Variants in KCNIP1 observed in about 807,000 individuals in gnomAD.
KCNIP1 encodes A-type potassium channel modulatory protein KCNIP1.
KCNIP1 carries 18 observed loss-of-function variants against 33.0 expected under a neutral mutation model. The ratio of observed to expected loss-of-function variants is 0.55; its 90% CI spans 0.38 to 0.81. KCNIP1 has a LOEUF of 0.81. Ranked by LOEUF, KCNIP1 falls within the 30% of genes least tolerant of loss-of-function variation. KCNIP1 has a pLI of 0.00. For synonymous variants in KCNIP1, 93 were observed against 98.3 expected (o/e 0.95, Z 0.32); for missense variants, 238 against 271.6 (o/e 0.88, Z 0.87).
intron 1 of KCNIP1, among the ~76,000 whole-genome samples, chr5:170,593,216 AG>A (rs1758325531): frequency 6.6e-6 from 1 of 152,236 alleles, no homozygotes; most frequent in Non-Finnish European, 1.5e-5. Context: ...CCTGATCCAC[AG>A]GTGGGTGGGA....
At chr5:170,683,894 A>ATGTGTGTGTGTGTGTGTGTG (rs1168722972) in intron 1 of KCNIP1, among the ~76,000 whole-genome samples, 6 of 91,636 alleles carry the variant, frequency 6.5e-5, no homozygotes, top group Admixed American at 2.7e-4. Context: ...CAGCTAGTGT[A>ATGTGTGTGTGTGTGTGTGTG]TGTGTGTGTG....
At chr5:170,600,023 C>T (rs1263228848) in intron 1 of KCNIP1, among the ~76,000 whole-genome samples, 1 of 152,200 alleles carries the variant, frequency 6.6e-6, no homozygotes, top group East Asian at 1.9e-4. Context: ...GGCATTGTTA[C>T]AGGCACCAGC....
At chr5:170,439,769 C>G (rs894716025) in intron 1 of KCNIP1, among the ~76,000 whole-genome samples, 1 of 152,240 alleles carries the variant, frequency 6.6e-6, no homozygotes, top group Non-Finnish European at 1.5e-5. Context: ...TGCCAGCCCA[C>G]AACTCAGTCA....
intron 1 of KCNIP1, among the ~76,000 whole-genome samples, chr5:170,718,065 T>A (rs1763694484): frequency 6.6e-6 from 1 of 152,222 alleles, no homozygotes. Flanking sequence ...TCTAAATAAC[T>A]AATGCAATCT....
chr5:170,475,007 G>A lies in KCNIP1; in HGVS notation c.88+121043G>A, dbSNP rs1317247569. On this transcript the variant is annotated intron_variant, in intron 1 of 7. Coordinates refer to the KCNIP1 transcript ENST00000377360. The stretch of plus-strand genomic sequence containing the variant: ...GGTCCATTTTACAGAGTGCCAATTG[G>A]TCCATTTTACAAAGTGCTGATTGGT... Among the ~76,000 whole-genome samples, 4 of 152,192 alleles carry A rather than the reference G, an allele frequency of 2.6e-5. No homozygotes were observed. The East Asian group carries it at 7.7e-4, about 29-fold the overall frequency.
At position 170,412,576 on chromosome 5, in the gene KCNIP1, G is replaced by A. The variant is rs559427979; in HGVS notation, c.88+58612G>A. On this transcript the variant is annotated intron_variant, in intron 1 of 7. Coordinates refer to the KCNIP1 transcript ENST00000377360. The stretch of plus-strand genomic sequence containing the variant: ...ACTTCTGGAGATTTGCCCCAAGATC[G>A]TGGAACAAGTGTGAAGAAACAAAAA... 3.9e-5 allele frequency among the ~76,000 whole-genome samples: 6 copies of A among 152,166 alleles called. No homozygotes were observed. In the South Asian group the frequency reaches 1.0e-3, roughly 26 times the overall value.
chr5:170,677,090 T>C (rs1762174287), intron 1 of KCNIP1, among the ~76,000 whole-genome samples: 1 of 152,228 alleles, frequency 6.6e-6, no homozygotes, highest in African/African-American at 2.4e-5. Context: ...CTGAGCATTA[T>C]TGCCTCTAGC....
chr5:170,718,656 A>G (rs1763711311), intron 1 of KCNIP1, 102 bp from the exon 2 acceptor site: 2 of 1,398,768 alleles, frequency 1.4e-6, no homozygotes, highest in Middle Eastern at 3.7e-4. Flanking sequence ...CCACAGTCCT[A>G]GATCCCAGGT....
At position 170,712,822 on chromosome 5, in the gene KCNIP1, A is replaced by C. The variant is rs1763500431; in HGVS notation, c.62-5936A>C. The C allele has an allele frequency of 2.5e-6, 4 of 1,611,524 alleles. No homozygotes were observed. The East Asian group carries it at 8.9e-5, about 36-fold the overall frequency. On this transcript the variant is annotated intron_variant, in intron 1 of 7. Coordinates refer to ENST00000328939, the MANE Select transcript of KCNIP1 (RefSeq NM_014592.4). Reference sequence around the variant, plus strand: ...GTGTGTTTTGCTTTTCGATGAATCGATTTGGTAAAATGTTTTCTCACTCTT... The same window carrying C: ...GTGTGTTTTGCTTTTCGATGAATCGCTTTGGTAAAATGTTTTCTCACTCTT...
chr5:170,467,883 A>G (rs1402948127), intron 1 of KCNIP1, among the ~76,000 whole-genome samples: 1 of 138,610 alleles, frequency 7.2e-6, no homozygotes, highest in Non-Finnish European at 1.5e-5. Flanking sequence ...ACGCCATTGC[A>G]CTCCAGCCTG....
intron 1 of KCNIP1, among the ~76,000 whole-genome samples, chr5:170,436,336 G>T (rs1261407746): frequency 6.6e-6 from 1 of 152,224 alleles, no homozygotes; most frequent in Non-Finnish European, 1.5e-5. Context: ...AGGCTACCCT[G>T]CAGGGCCTGT....
intron 1 of KCNIP1, among the ~76,000 whole-genome samples, chr5:170,699,527 T>G (rs2113833199): frequency 8.1e-6 from 1 of 123,258 alleles, no homozygotes; most frequent in Non-Finnish European, 1.7e-5. Flanking sequence ...GGTCATGAGG[T>G]AACTAAAATA....
At chr5:170,603,937 G>A (rs1758798200) in intron 1 of KCNIP1, among the ~76,000 whole-genome samples, 1 of 152,240 alleles carries the variant, frequency 6.6e-6, no homozygotes, top group African/African-American at 2.4e-5. Context: ...GATTCAGGGA[G>A]AAACAGGAGG....
intron 1 of KCNIP1, among the ~76,000 whole-genome samples, chr5:170,523,279 T>A (rs1227005032): frequency 6.6e-6 from 1 of 152,204 alleles, no homozygotes; most frequent in Non-Finnish European, 1.5e-5. Context: ...CAGAGAGCTG[T>A]CCTCAGAGCA....
chr5:170,712,734 C>A, intron 1 of KCNIP1: 1 of 905,384 alleles, frequency 1.1e-6, no homozygotes. Flanking sequence ...AGAGGCTCTT[C>A]GCATATGTCA....
chr5:170,714,853 ATAAAGT>A (rs1763591931), intron 1 of KCNIP1, among the ~76,000 whole-genome samples: 1 of 152,202 alleles, frequency 6.6e-6, no homozygotes, highest in South Asian at 2.1e-4. Context: ...AGTTTGTAAA[ATAAAGT>A]TAGAGTAAGC....
In KCNIP1 at chr5:170,378,925, C is replaced by T. The variant is rs775722063; in HGVS notation, c.88+24961C>T. The T allele has an allele frequency of 1.5e-5, 24 of 1,614,052 alleles. No individual in the cohort carries two copies. The highest frequency in any genetic ancestry group is 1.9e-5 in the Non-Finnish European group (23 of 1,180,004). ...AATTTGGCTCTGACCTTCTCCACGT[C>T]GGCCCGGGCCGTCTGGTAATTGTCC... On this transcript the variant is annotated intron_variant, in intron 1 of 7. Coordinates refer to the KCNIP1 transcript ENST00000377360.
intron 1 of KCNIP1, among the ~76,000 whole-genome samples, chr5:170,436,251 C>T (rs1314107623): frequency 2.0e-5 from 3 of 152,162 alleles, no homozygotes; most frequent in Non-Finnish European, 4.4e-5. Context: ...CAAATTCCGG[C>T]CATTCGAGGT....
intron 1 of KCNIP1, among the ~76,000 whole-genome samples, chr5:170,568,337 C>A (rs1757270436): frequency 6.6e-6 from 1 of 152,100 alleles, no homozygotes; most frequent in Non-Finnish European, 1.5e-5. Flanking sequence ...AGATTAATTT[C>A]TGTTCTTTGT....
Sources: gnomAD v4.1 joint callset for allele counts (sites outside exome capture counted in the v4.1 genomes callset) on GRCh38, gnomAD v4.1.1 for gene constraint, MANE v1.5 for transcripts, NCBI Gene and HGNC (gene_info 2026-07-23, HGNC 2026-07-21) for gene names.